LMCD1: variants seen among roughly 807,000 people sequenced by gnomAD.
LMCD1 encodes LIM and cysteine rich domains 1.
In LMCD1, 32 loss-of-function variants were observed where a neutral mutation model predicts 42.7. The observed-to-expected ratio is 0.75, with a 90% CI of 0.57 to 1.01. The LOEUF (loss-of-function observed/expected upper bound fraction) is 1.01. Ranked by LOEUF, LMCD1 falls within the 50% of genes least tolerant of loss-of-function variation. LMCD1 has a pLI of 0.00. For missense variants in LMCD1, 458 were observed against 483.1 expected (o/e 0.95, Z 0.49); for synonymous variants, 178 against 184.9 (o/e 0.96, Z 0.30).
rs543799767 is a variant in LMCD1, at chr3:8,542,927, G to C, written c.387+5487G>C. ...AGCAAGCCCTCCCTAAGAGTTGGCTGTTCCTATCATCTCTTCAACTGCTGA... is the reference window on the plus strand; with the variant it reads ...AGCAAGCCCTCCCTAAGAGTTGGCTCTTCCTATCATCTCTTCAACTGCTGA... On this transcript the variant is annotated intron_variant, in intron 3 of 5. Transcript: ENST00000157600. 6.8e-4 allele frequency among the ~76,000 whole-genome samples: 104 copies of C among 152,348 alleles called. 1 individual carries two copies. The highest frequency in any genetic ancestry group is 2.4e-3 in the African/African-American group (99 of 41,580).
chr3:8,567,428 T>C lies in LMCD1; in HGVS notation c.940-12T>C. 1 of 1,612,828 alleles carries C rather than the reference T, an allele frequency of 6.2e-7. No individual in the cohort carries two copies. Among genetic ancestry groups the C allele is most frequent in the Non-Finnish European group, 8.5e-7 (1 of 1,179,188 alleles). On this transcript the variant is annotated splice_polypyrimidine_tract_variant and intron_variant, in intron 5 of 5. Transcript: ENST00000157600. ...AAACTGAGTCATGCATTTCTCCTGC[T>C]CCCCTCCCCAGATAATATTCGCTGA...
At position 8,565,418 on chromosome 3, in the gene LMCD1, C is replaced by G; in HGVS notation, c.724-14C>G. 6.2e-7 allele frequency: 1 copy of G among 1,610,062 alleles called. No homozygotes were observed. Among genetic ancestry groups the G allele is most frequent in the African/African-American group, 1.3e-5 (1 of 74,946 alleles). ...GACTTCCTTGTCTCCTATGGTCCTT[C>G]CCCATCCTTCCAGGTCTGCGAGCTC... On this transcript the variant is annotated splice_polypyrimidine_tract_variant and intron_variant, in intron 4 of 5. Coordinates refer to ENST00000157600, the MANE Select transcript of LMCD1 (RefSeq NM_014583.4).
chr3:8,550,864 G>C, intron 4 of LMCD1: 2 of 985,140 alleles, frequency 2.0e-6, no homozygotes, highest in Non-Finnish European at 2.4e-6. Flanking sequence ...CCATTCCCAA[G>C]AGACATGTGG....
chr3:8,538,262 A>C (rs1275208115), intron 3 of LMCD1, among the ~76,000 whole-genome samples: 1 of 152,200 alleles, frequency 6.6e-6, no homozygotes, highest in African/African-American at 2.4e-5. Flanking sequence ...GCATCCAGCA[A>C]GTTCAGGGCC....
At chr3:8,532,888 C>A in intron 2 of LMCD1, 63 bp downstream of exon 2, 1 of 1,373,734 alleles carries the variant, frequency 7.3e-7, no homozygotes, top group Non-Finnish European at 1.0e-6. Flanking sequence ...TCTCGGGGAA[C>A]CCTGGTTGCT....
chr3:8,550,218 G>T, intron 4 of LMCD1: 1 of 1,199,336 alleles, frequency 8.3e-7, no homozygotes, highest in Non-Finnish European at 1.0e-6. Flanking sequence ...GACCACGTGG[G>T]TCTAGCGTGT....
At chr3:8,516,611 T>G (rs1694106448) in intron 1 of LMCD1, among the ~76,000 whole-genome samples, 1 of 152,180 alleles carries the variant, frequency 6.6e-6, no homozygotes, top group African/African-American at 2.4e-5. Flanking sequence ...ATGCTTAATA[T>G]CAGCACCTCT....
At position 8,549,763 on chromosome 3, in the gene LMCD1, G is replaced by A. The variant is rs573253995; in HGVS notation, c.723+860G>A. 6.3e-5 allele frequency: 44 copies of A among 700,704 alleles called. 1 individual carries two copies. The East Asian group carries it at 9.4e-4, about 15-fold the overall frequency. 43.4% of individuals were successfully genotyped at this position (700,704 alleles called of 1,614,324 possible). On this transcript the variant is annotated intron_variant, in intron 4 of 5. Transcript: ENST00000157600. The stretch of plus-strand genomic sequence containing the variant: ...GTCCAAGGCCAAGGGGCTGCATCTG[G>A]TGAGGGACTTCTTCCTGGTGAGCAC...
At chr3:8,557,054 C>T (rs1227189561) in intron 4 of LMCD1, among the ~76,000 whole-genome samples, 1 of 152,154 alleles carries the variant, frequency 6.6e-6, no homozygotes, top group Non-Finnish European at 1.5e-5. Flanking sequence ...GATGATTTTT[C>T]CAAGAGCTTC....
chr3:8,554,314 T>G (rs909143226), intron 4 of LMCD1, among the ~76,000 whole-genome samples: 3 of 152,194 alleles, frequency 2.0e-5, no homozygotes, highest in African/African-American at 7.2e-5. Flanking sequence ...TCCCCAGTCC[T>G]TCTGCTTCAC....
intron 1 of LMCD1, among the ~76,000 whole-genome samples, chr3:8,515,968 A>C (rs919734340): frequency 2.6e-5 from 4 of 152,158 alleles, no homozygotes; most frequent in Non-Finnish European, 4.4e-5. Flanking sequence ...TAAGATGAAA[A>C]GGAAATGAAA....
At chr3:8,538,736 T>G (rs1010200784) in intron 3 of LMCD1, among the ~76,000 whole-genome samples, 28 of 152,244 alleles carry the variant, frequency 1.8e-4, no homozygotes, top group African/African-American at 6.5e-4. Flanking sequence ...TTTCGTTTCT[T>G]TAACAACTTT....
At position 8,570,094 on chromosome 3, in the gene LMCD1, G is replaced by A. The variant is rs1220368811; in HGVS notation, c.*2496G>A. 2 of 152,494 alleles carry A rather than the reference G, an allele frequency of 1.3e-5. No individual in the cohort carries two copies. Among genetic ancestry groups the A allele is most frequent in the Admixed American group, 6.5e-5 (1 of 15,282 alleles). 9.4% of individuals were successfully genotyped at this position (152,494 alleles called of 1,614,324 possible). A position where few individuals can be genotyped will look rare whatever the true frequency, so the allele number is the denominator to read the frequency against. On this transcript the variant is annotated 3_prime_UTR_variant, in exon 6 of 6. Coordinates refer to ENST00000157600, the MANE Select transcript of LMCD1 (RefSeq NM_014583.4). ...AGGCCCTGTGGTGGAAGCCCCACCA[G>A]TTTATTCAACACCTATTTGCTGGTG...
intron 1 of LMCD1, among the ~76,000 whole-genome samples, chr3:8,525,656 T>A (rs1344858198): frequency 6.6e-6 from 1 of 152,196 alleles, no homozygotes; most frequent in African/African-American, 2.4e-5. Flanking sequence ...TTTTCCATAA[T>A]GGCTGTACCA....
intron 1 of LMCD1, among the ~76,000 whole-genome samples, chr3:8,524,599 G>C (rs1334556054): frequency 6.6e-6 from 1 of 152,122 alleles, no homozygotes; most frequent in African/African-American, 2.4e-5. Context: ...TTATGAAAAG[G>C]GAATTTTTTT....
chr3:8,563,018 C>T (rs1293164539), intron 4 of LMCD1, among the ~76,000 whole-genome samples: 1 of 152,236 alleles, frequency 6.6e-6, no homozygotes, highest in African/African-American at 2.4e-5. Flanking sequence ...CAGACAGATG[C>T]ATCATCTGCT....
intron 1 of LMCD1, among the ~76,000 whole-genome samples, chr3:8,528,224 G>A (rs571518844): frequency 5.9e-5 from 9 of 152,160 alleles, no homozygotes; most frequent in East Asian, 3.9e-4. Flanking sequence ...CTAGGGGGCC[G>A]GGGGGACAGG....
At position 8,521,407 on chromosome 3, in the gene LMCD1, A is replaced by G. The variant is rs548291308; in HGVS notation, c.43-11330A>G. On this transcript the variant is annotated intron_variant, in intron 1 of 5. Coordinates refer to ENST00000157600, the MANE Select transcript of LMCD1 (RefSeq NM_014583.4). ...TACTCCTCTTTTTCAAAGTGACCCC[A>G]ACTCCATCCCCTTTGACAGATAAAA... Among the ~76,000 whole-genome samples the G allele has an allele frequency of 8.5e-5, 13 of 152,264 alleles. No individual in the cohort carries two copies. The East Asian group carries it at 2.5e-3, about 29-fold the overall frequency.
At chr3:8,504,637 A>C (rs1289194784) in intron 1 of LMCD1, among the ~76,000 whole-genome samples, 1 of 152,210 alleles carries the variant, frequency 6.6e-6, no homozygotes, top group Non-Finnish European at 1.5e-5. Context: ...ACATACATAC[A>C]TCGTGGCAGA....
Sources: allele counts gnomAD v4.1 joint callset (sites outside exome capture counted in the v4.1 genomes callset), GRCh38; gene constraint gnomAD v4.1.1; transcripts MANE v1.5; gene names NCBI Gene and HGNC (gene_info 2026-07-23, HGNC 2026-07-21).